KLHL18: variants seen among roughly 807,000 people sequenced by gnomAD.
KLHL18 encodes kelch like family member 18, also known as kelch-like protein 18.
A neutral mutation model predicts 58.5 loss-of-function variants in KLHL18; 38 were observed. That is an observed-to-expected ratio of 0.65 (90% CI 0.50 to 0.85). The LOEUF is 0.85. Ranked by LOEUF, KLHL18 falls within the 40% of genes least tolerant of loss-of-function variation. The probability of loss-of-function intolerance (pLI) is 0.00; values close to 1 mark genes in which losing one functional copy is unlikely to be tolerated. For synonymous variants in KLHL18, 303 were observed against 301.9 expected, an observed-to-expected ratio of 1.00 and a Z score of -0.04; for missense variants, 624 against 778.4, an observed-to-expected ratio of 0.80 and a Z score of 2.36.
At chr3:47,284,095 G>A (rs1213387856) in intron 1 of KLHL18, among the ~76,000 whole-genome samples, 1 of 152,068 alleles carries the variant, frequency 6.6e-6, no homozygotes, top group Non-Finnish European at 1.5e-5. Context: ...GTCTGGGCAT[G>A]GTAGCCTGTG....
intron 4 of KLHL18, among the ~76,000 whole-genome samples, chr3:47,331,387 A>G (rs1440045819): frequency 6.6e-6 from 1 of 150,684 alleles, no homozygotes; most frequent in African/African-American, 2.4e-5. Context: ...TGGCCTCCCA[A>G]AGTGCTGGGA....
At chr3:47,289,889 G>A (rs1702755340) in intron 1 of KLHL18, among the ~76,000 whole-genome samples, 1 of 152,136 alleles carries the variant, frequency 6.6e-6, no homozygotes, top group East Asian at 1.9e-4. Context: ...GTGGGATGAG[G>A]GATGAGAAAT....
intron 1 of KLHL18, among the ~76,000 whole-genome samples, chr3:47,288,703 TTAAAA>T (rs1702729319): frequency 1.3e-5 from 2 of 151,788 alleles, no homozygotes; most frequent in African/African-American, 2.4e-5. Flanking sequence ...ACATATTCAT[TTAAAA>T]AAAATCACAT....
chr3:47,323,866 C>T (rs368473293), intron 3 of KLHL18, among the ~76,000 whole-genome samples: 102 of 152,326 alleles, frequency 6.7e-4, no homozygotes, highest in African/African-American at 2.3e-3. Flanking sequence ...TATTCTCACT[C>T]CACCTATCCA....
rs770242996 is a variant in KLHL18 at position 47,343,978 on chromosome 3, A to G, written c.*37A>G. On this transcript the variant is annotated 3_prime_UTR_variant, in exon 10 of 10. Coordinates refer to ENST00000232766, the MANE Select transcript of KLHL18 (RefSeq NM_025010.5). The stretch of plus-strand genomic sequence containing the variant: ...GGATGTGGTGGGGCAGGGATCTGGT[A>G]CAGACATAGGCGCTTCCTTCCAGGA... 6.1e-5 allele frequency: 98 copies of G among 1,604,704 alleles called. No homozygotes were observed. Among genetic ancestry groups the G allele is most frequent in the Admixed American group, 1.2e-4 (7 of 58,550 alleles).
chr3:47,309,931 G>T (rs2107610414), intron 1 of KLHL18, among the ~76,000 whole-genome samples: 1 of 149,768 alleles, frequency 6.7e-6, no homozygotes, highest in African/African-American at 2.4e-5. Context: ...AGTGAGCAGA[G>T]ATGGCGGAGT....
intron 3 of KLHL18, among the ~76,000 whole-genome samples, chr3:47,328,261 C>T (rs1703771543): frequency 6.7e-6 from 1 of 149,524 alleles, no homozygotes; most frequent in South Asian, 2.1e-4. Context: ...AGCTACTTGG[C>T]AGGTTGAGGT....
chr3:47,300,405 GTGTGTA>G (rs960902227), intron 1 of KLHL18, among the ~76,000 whole-genome samples: 7 of 18,896 alleles, frequency 3.7e-4, no homozygotes, highest in African/African-American at 4.0e-4. Context: ...GTGTGTGTGT[GTGTGTA>G]TATATATATA....
chr3:47,284,984 A>G lies in KLHL18; in HGVS notation c.129+1890A>G, dbSNP rs377470827. Among the ~76,000 whole-genome samples, 4 of 151,376 alleles carry G rather than the reference A, an allele frequency of 2.6e-5. No individual in the cohort carries two copies. The East Asian group carries it at 7.8e-4, about 30-fold the overall frequency. On this transcript the variant is annotated intron_variant, in intron 1 of 9. Transcript: ENST00000232766. Reference sequence around the variant, plus strand: ...CAGGCGCCCGCCACCACGCCCGGCTAATTTTTGTGTGTGTTTTTAGTAGAG... The same window carrying G: ...CAGGCGCCCGCCACCACGCCCGGCTGATTTTTGTGTGTGTTTTTAGTAGAG...
At chr3:47,309,284 T>C (rs1472203928) in intron 1 of KLHL18, among the ~76,000 whole-genome samples, 1 of 152,176 alleles carries the variant, frequency 6.6e-6, no homozygotes, top group Non-Finnish European at 1.5e-5. Flanking sequence ...AGCTGTTGGG[T>C]ACACCTCCCA....
chr3:47,343,938 C>T lies in KLHL18; in HGVS notation c.1722C>T (p.Ile574=). 6.2e-7 allele frequency: 1 copy of T among 1,613,050 alleles called. No individual in the cohort carries two copies. The highest frequency in any genetic ancestry group is 8.5e-7 in the Non-Finnish European group (1 of 1,179,950). Residue 574 remains isoleucine (I), a synonymous_variant, in exon 10 of 10, where the codon ATC becomes ATT. Transcript: ENST00000232766. ...VGVGCIPLLT[I] The stretch of plus-strand genomic sequence containing the variant: ...TGGGCTGCATCCCTCTCCTCACCAT[C>T]TAAGGCAGAGGATGGGATGTGGTGG...
intron 1 of KLHL18, among the ~76,000 whole-genome samples, chr3:47,312,687 A>C (rs192902108): frequency 2.6e-5 from 4 of 152,220 alleles, no homozygotes; most frequent in Admixed American, 6.5e-5. Flanking sequence ...AGAAAATAAT[A>C]TTTTTATCTC....
At chr3:47,333,099 C>G in intron 4 of KLHL18, 58 bp from the exon 5 acceptor site, 1 of 1,573,280 alleles carries the variant, frequency 6.4e-7, no homozygotes, top group Non-Finnish European at 8.6e-7. Flanking sequence ...GATTGGAGGC[C>G]TGGGGTGTGG....
At chr3:47,320,988 T>A (rs1465587867) in intron 2 of KLHL18, among the ~76,000 whole-genome samples, 1 of 152,188 alleles carries the variant, frequency 6.6e-6, no homozygotes, top group African/African-American at 2.4e-5. Context: ...CAAGGGCAGT[T>A]GTGCCCTCCT....
intron 1 of KLHL18, among the ~76,000 whole-genome samples, chr3:47,316,677 G>GTGTGTATATATACATATATACGTA (rs1703449806): frequency 1.5e-5 from 1 of 68,586 alleles, no homozygotes. Context: ...ACGTATATAT[G>GTGTGTATATATACATATATACGTA]TATATGTGTG....
intron 3 of KLHL18, among the ~76,000 whole-genome samples, chr3:47,328,228 T>A (rs74825031): frequency 4.6e-5 from 6 of 130,726 alleles, no homozygotes; most frequent in East Asian, 4.4e-4. Context: ...TTTTTTTTTT[T>A]AATTAGCTAG....
At chr3:47,303,858 G>T (rs1243640816) in intron 1 of KLHL18, among the ~76,000 whole-genome samples, 2 of 151,948 alleles carry the variant, frequency 1.3e-5, no homozygotes, top group African/African-American at 4.8e-5. Flanking sequence ...AAGTAGCTGG[G>T]ACTACAGGCA....
At chr3:47,285,336 C>T (rs998334519) in intron 1 of KLHL18, among the ~76,000 whole-genome samples, 3 of 152,206 alleles carry the variant, frequency 2.0e-5, no homozygotes, top group Non-Finnish European at 4.4e-5. Context: ...AACTTGTAAG[C>T]AGAAAAATGA....
At chr3:47,293,683 T>C (rs1219242134) in intron 1 of KLHL18, among the ~76,000 whole-genome samples, 1 of 152,232 alleles carries the variant, frequency 6.6e-6, no homozygotes, top group Non-Finnish European at 1.5e-5. Flanking sequence ...CGTGCTAACA[T>C]GTCTTCCAAG....
Sources: gnomAD v4.1 joint callset for allele counts (sites outside exome capture counted in the v4.1 genomes callset) on GRCh38, gnomAD v4.1.1 for gene constraint, MANE v1.5 for transcripts, NCBI Gene and HGNC (gene_info 2026-07-23, HGNC 2026-07-21) for gene names.